Variants in TTC12 observed in about 807,000 individuals in gnomAD.
The protein encoded by TTC12 is tetratricopeptide repeat protein 12.
In TTC12, 70 loss-of-function variants were observed where a neutral mutation model predicts 90.1. The ratio of observed to expected loss-of-function variants is 0.78; its 90% confidence interval spans 0.64 to 0.95. The LOEUF (loss-of-function observed/expected upper bound fraction) is 0.95, where lower values mean the gene tolerates loss of function less well. Ranked by LOEUF, TTC12 falls within the 40% of genes least tolerant of loss-of-function variation. The pLI, the probability that TTC12 is intolerant of heterozygous loss-of-function variation, is 0.00. For missense variants in TTC12, 819 were observed against 846.1 expected (o/e 0.97, Z 0.40); for synonymous variants, 296 against 311.5 (o/e 0.95, Z 0.53).
At chr11:113,366,535 T>A, downstream of TTC12, 1 of 650,810 alleles carries the variant, frequency 1.5e-6, no homozygotes, top group Non-Finnish European at 2.4e-6. Flanking sequence ...TGTTCTTTCC[T>A]GTTCTGTAGA....
chr11:113,319,558 A>G (rs1947163704), intron 2 of TTC12, among the ~76,000 whole-genome samples: 2 of 152,192 alleles, frequency 1.3e-5, no homozygotes, highest in Non-Finnish European at 2.9e-5. Flanking sequence ...AAAATATTCT[A>G]TGCAGTAAAT....
intron 2 of TTC12, among the ~76,000 whole-genome samples, chr11:113,318,123 G>C (rs901396685): frequency 5.3e-5 from 8 of 152,196 alleles, no homozygotes; most frequent in African/African-American, 1.9e-4. Context: ...TATGTGTTGA[G>C]TGTTGGTAAG....
Position 113,330,968 on chromosome 11 carries a change from G to A in TTC12, c.504+989G>A, listed in dbSNP as rs143548994. Among the ~76,000 whole-genome samples the A allele has an allele frequency of 2.3e-3, 346 of 152,206 alleles. No homozygotes were observed. In the Middle Eastern group the frequency reaches 0.037, roughly 16 times the overall value. On this transcript the variant is annotated intron_variant, in intron 7 of 21. Coordinates refer to ENST00000529221, the MANE Select transcript of TTC12 (RefSeq NM_017868.4). ...ACACCTACCCTAGCCTAATGAGTATGTCCCAAAACAAGAGGACACTTCCCT... is the reference window on the plus strand; with the variant it reads ...ACACCTACCCTAGCCTAATGAGTATATCCCAAAACAAGAGGACACTTCCCT...
At chr11:113,341,701 C>G in intron 11 of TTC12, 136 bp from the exon 12 acceptor site, 1 of 705,270 alleles carries the variant, frequency 1.4e-6, no homozygotes, top group South Asian at 1.6e-5. Flanking sequence ...TCCTGGTGAC[C>G]CATGGCTCTG....
chr11:113,337,790 A>T (rs1235880324), intron 8 of TTC12, among the ~76,000 whole-genome samples: 1 of 151,436 alleles, frequency 6.6e-6, no homozygotes, highest in African/African-American at 2.5e-5. Context: ...TGCAATAAAT[A>T]TCCAAGCAAG....
chr11:113,330,814 C>T (rs1555142397), intron 7 of TTC12, among the ~76,000 whole-genome samples: 2 of 152,136 alleles, frequency 1.3e-5, no homozygotes, highest in African/African-American at 4.8e-5. Context: ...TAATTTTGCA[C>T]AGCACTTCAT....
At chr11:113,360,639 C>T (rs928981401) in intron 18 of TTC12, among the ~76,000 whole-genome samples, 2 of 152,226 alleles carry the variant, frequency 1.3e-5, no homozygotes, top group Admixed American at 1.3e-4. Context: ...GTATTCTTCA[C>T]TCACATTAAG....
At chr11:113,318,540 T>A (rs1555136788) in intron 2 of TTC12, among the ~76,000 whole-genome samples, 2 of 152,234 alleles carry the variant, frequency 1.3e-5, no homozygotes, top group African/African-American at 4.8e-5. Flanking sequence ...CAATGATTAG[T>A]TACTTCTTTA....
intron 7 of TTC12, among the ~76,000 whole-genome samples, chr11:113,332,875 T>C (rs1555142951): frequency 6.6e-6 from 1 of 152,216 alleles, no homozygotes; most frequent in African/African-American, 2.4e-5. Context: ...TTCAGGTATC[T>C]AGGCCCGTGG....
chr11:113,335,977 A>C (rs1368607597), intron 8 of TTC12, among the ~76,000 whole-genome samples: 1 of 152,164 alleles, frequency 6.6e-6, no homozygotes, highest in Non-Finnish European at 1.5e-5. Flanking sequence ...CTCTATGTTT[A>C]ACCTTTTGAG....
At chr11:113,349,820 G>A (rs956567950) in intron 13 of TTC12, among the ~76,000 whole-genome samples, 7 of 152,140 alleles carry the variant, frequency 4.6e-5, no homozygotes, top group East Asian at 1.9e-4. Flanking sequence ...GCTGGCGTCC[G>A]ATAATCAATA....
downstream of TTC12, among the ~76,000 whole-genome samples, chr11:113,367,699 T>C (rs1450369074): frequency 7.1e-6 from 1 of 140,066 alleles, no homozygotes; most frequent in Non-Finnish European, 1.5e-5. Context: ...GAAACGGAGA[T>C]AAATAATTGG....
At chr11:113,355,893 G>A (rs1949606507) in intron 16 of TTC12, among the ~76,000 whole-genome samples, 1 of 152,204 alleles carries the variant, frequency 6.6e-6, no homozygotes. Context: ...TGCACTATGT[G>A]GCGATGAGAA....
intron 21 of TTC12, 56 bp downstream of exon 21, chr11:113,365,116 A>C: frequency 6.5e-7 from 1 of 1,542,302 alleles, no homozygotes; most frequent in Non-Finnish European, 8.9e-7. Flanking sequence ...AGCTGAGCTG[A>C]GGTGCTGAGT....
chr11:113,351,393 T>C, intron 15 of TTC12, 94 bp downstream of exon 15: 1 of 1,014,534 alleles, frequency 9.9e-7, no homozygotes, highest in South Asian at 1.3e-5. Context: ...GAACAACTAT[T>C]GTCTCTCGGT....
At chr11:113,353,422 G>T (rs1228938205) in intron 16 of TTC12, among the ~76,000 whole-genome samples, 2 of 152,246 alleles carry the variant, frequency 1.3e-5, no homozygotes, top group South Asian at 2.1e-4. Flanking sequence ...TAGGTTGTCT[G>T]TTCACTCTGT....
intron 16 of TTC12, among the ~76,000 whole-genome samples, chr11:113,358,483 C>T (rs1350970784): frequency 6.6e-6 from 1 of 152,182 alleles, no homozygotes; most frequent in Non-Finnish European, 1.5e-5. Context: ...CAGGTGTGGC[C>T]TGGCTGGGGC....
chr11:113,341,162 G>A (rs184083048), intron 11 of TTC12, among the ~76,000 whole-genome samples: 125 of 152,196 alleles, frequency 8.2e-4, no homozygotes, highest in Non-Finnish European at 1.5e-3. Context: ...TCTGAGAGGC[G>A]GAGGTTGCAG....
rs782113521 is a variant in TTC12 at position 113,324,583 on chromosome 11, T to C, written c.245-22T>C. Reference sequence around the variant, plus strand: ...AGTATTTGGATTTTTCTTTTTAATATCTGAAATTACCCTGCTGTCAGAGGC... The same window carrying C: ...AGTATTTGGATTTTTCTTTTTAATACCTGAAATTACCCTGCTGTCAGAGGC... On this transcript the variant is annotated intron_variant, in intron 4 of 21. Coordinates refer to ENST00000529221, the MANE Select transcript of TTC12 (RefSeq NM_017868.4). 1.9e-6 allele frequency: 3 copies of C among 1,603,544 alleles called. No homozygotes were observed. The Admixed American group carries it at 5.2e-5, about 28-fold the overall frequency.
Sources: allele counts gnomAD v4.1 joint callset (sites outside exome capture counted in the v4.1 genomes callset), GRCh38; gene constraint gnomAD v4.1.1; transcripts MANE v1.5; gene names NCBI Gene and HGNC (gene_info 2026-07-23, HGNC 2026-07-21).